The following STK3 variants were observed in gnomAD, a reference collection of about 807,000 sequenced individuals.
STK3 encodes the protein serine/threonine kinase 3.
A neutral mutation model predicts 58.0 loss-of-function variants in STK3; 41 were observed. The observed-to-expected ratio is 0.71, with a 90% CI of 0.55 to 0.92. The LOEUF (loss-of-function observed/expected upper bound fraction) is 0.92, where lower values mean the gene tolerates loss of function less well. Ranked by LOEUF, STK3 falls within the 40% of genes least tolerant of loss-of-function variation. The probability of loss-of-function intolerance (pLI) is 0.00; values close to 1 mark genes in which losing one functional copy is unlikely to be tolerated. For synonymous variants in STK3, 170 were observed against 191.0 expected, an observed-to-expected ratio of 0.89 and a Z score of 0.91; for missense variants, 479 against 602.7, an observed-to-expected ratio of 0.79 and a Z score of 2.15.
chr8:98,861,865 C>T (rs1433622422), intron 3 of STK3, among the ~76,000 whole-genome samples: 1 of 152,204 alleles, frequency 6.6e-6, no homozygotes, highest in Non-Finnish European at 1.5e-5. Flanking sequence ...TGTTCATGGA[C>T]TTGCCTCATT....
chr8:98,387,984 C>T (rs559983827), intron 1 of STK3, among the ~76,000 whole-genome samples: 32 of 151,478 alleles, frequency 2.1e-4, no homozygotes, highest in South Asian at 1.0e-3. Flanking sequence ...CAGAAACTAC[C>T]TGAAGGGGTT....
At chr8:98,701,448 T>G (rs1413941527) in intron 6 of STK3, among the ~76,000 whole-genome samples, 2 of 151,870 alleles carry the variant, frequency 1.3e-5, no homozygotes, top group East Asian at 3.9e-4. Context: ...TGAAACCCCG[T>G]CACTACTAAA....
intron 6 of STK3, among the ~76,000 whole-genome samples, chr8:98,698,245 G>C (rs944004711): frequency 1.3e-5 from 2 of 151,068 alleles, no homozygotes; most frequent in African/African-American, 4.9e-5. Flanking sequence ...TTTATTTTGA[G>C]CCTATGTGTG....
chr8:98,569,572 T>A (rs1369254602), intron 8 of STK3, among the ~76,000 whole-genome samples: 1 of 151,392 alleles, frequency 6.6e-6, no homozygotes, highest in Non-Finnish European at 1.5e-5. Context: ...GAATATAGCA[T>A]TTGGGAACAA....
intron 7 of STK3, among the ~76,000 whole-genome samples, chr8:98,587,564 T>C (rs570552681): frequency 9.8e-4 from 149 of 152,210 alleles, no homozygotes; most frequent in Non-Finnish European, 1.3e-3. Context: ...CTGAAAAAAA[T>C]GTATATTCTG....
chr8:98,883,581 T>A, downstream of STK3: 1 of 677,252 alleles, frequency 1.5e-6, no homozygotes, highest in Non-Finnish European at 2.7e-6. Context: ...AATAAACATC[T>A]AAAGGAACGC....
At chr8:98,416,902 C>T (rs2131049026) in intron 3 of STK3, among the ~76,000 whole-genome samples, 1 of 152,298 alleles carries the variant, frequency 6.6e-6, no homozygotes, top group South Asian at 2.1e-4. Flanking sequence ...TCCCGAAGGT[C>T]TCTAAGGACA....
intron 6 of STK3, among the ~76,000 whole-genome samples, chr8:98,673,149 T>C (rs1456824660): frequency 1.3e-5 from 2 of 152,236 alleles, no homozygotes; most frequent in African/African-American, 4.8e-5. Context: ...ATTTTTCCAG[T>C]TGCCTCAATG....
intron 3 of STK3, among the ~76,000 whole-genome samples, chr8:98,420,915 C>T (rs1488426051): frequency 2.6e-4 from 40 of 152,174 alleles, no homozygotes; most frequent in Non-Finnish European, 5.9e-5. Flanking sequence ...GTGGGACTCT[C>T]ATAGGTTTCA....
Position 98,525,588 on chromosome 8 carries a change from A to T in STK3, c.1317+1154T>A, listed in dbSNP as rs368363080. On this transcript the variant is annotated intron_variant, in intron 10 of 10. Transcript: ENST00000419617. ...AGTAGATAGGTTAAAATGAAATCTT[A>T]TTAGGACTAAAGATGTATTGATTTT... 2.9e-4 allele frequency among the ~76,000 whole-genome samples: 44 copies of T among 152,272 alleles called. 1 individual carries two copies. The South Asian group carries it at 9.1e-3, about 32-fold the overall frequency.
At chr8:98,756,526 T>G (rs1423712413) in intron 3 of STK3, among the ~76,000 whole-genome samples, 1 of 152,204 alleles carries the variant, frequency 6.6e-6, no homozygotes, top group African/African-American at 2.4e-5. Context: ...TGAAGAATTT[T>G]AAGCAGACGA....
At chr8:98,679,450 T>C (rs960037926) in intron 6 of STK3, among the ~76,000 whole-genome samples, 6 of 152,166 alleles carry the variant, frequency 3.9e-5, no homozygotes, top group Non-Finnish European at 8.8e-5. Context: ...CACTCCACCC[T>C]ACCCTTGAAA....
At chr8:98,633,891 A>G in intron 6 of STK3, 1 of 332,392 alleles carries the variant, frequency 3.0e-6, no homozygotes, top group South Asian at 4.3e-5. Context: ...AGTAAAATTA[A>G]CCTGGTAAGT....
At chr8:98,891,380 T>C (rs1838192917) in intron 1 of STK3, among the ~76,000 whole-genome samples, 1 of 152,260 alleles carries the variant, frequency 6.6e-6, no homozygotes, top group South Asian at 2.1e-4. Context: ...ACACTCTTTA[T>C]GTGCAACATT....
chr8:98,605,311 A>T (rs966867374), intron 6 of STK3, among the ~76,000 whole-genome samples: 1 of 152,224 alleles, frequency 6.6e-6, no homozygotes, highest in Non-Finnish European at 1.5e-5. Context: ...TAATTTATAA[A>T]GAAAAGAAGT....
downstream of STK3, among the ~76,000 whole-genome samples, chr8:98,397,050 A>G (rs1817903084): frequency 6.6e-6 from 1 of 152,230 alleles, no homozygotes; most frequent in Non-Finnish European, 1.5e-5. Flanking sequence ...TTAATGACAG[A>G]GTCTGGCTCC....
At chr8:98,923,691 T>C (rs1266906064) in intron 1 of STK3, among the ~76,000 whole-genome samples, 1 of 152,008 alleles carries the variant, frequency 6.6e-6, no homozygotes, top group Admixed American at 6.6e-5. Context: ...ATAAATAAGA[T>C]GGAATACCCT....
chr8:98,893,263 C>G (rs533871314), intron 1 of STK3, among the ~76,000 whole-genome samples: 1 of 151,814 alleles, frequency 6.6e-6, no homozygotes, highest in Admixed American at 6.6e-5. Context: ...GTGGTGCATG[C>G]CTGTAGTCCC....
At chr8:98,747,765 G>GA (rs547541157) in intron 4 of STK3, among the ~76,000 whole-genome samples, 36 of 152,220 alleles carry the variant, frequency 2.4e-4, no homozygotes, top group African/African-American at 8.4e-4. Flanking sequence ...GTGCAGCTCT[G>GA]GGTTCCTTTT....
Sources: gnomAD v4.1 joint callset for allele counts (sites outside exome capture counted in the v4.1 genomes callset) on GRCh38, gnomAD v4.1.1 for gene constraint, MANE v1.5 for transcripts, NCBI Gene and HGNC (gene_info 2026-07-23, HGNC 2026-07-21) for gene names.